RORA: variants seen among roughly 807,000 people sequenced by gnomAD.
RORA encodes RAR related orphan receptor A, also known as nuclear receptor ROR-alpha.
RORA carries 7 observed loss-of-function variants against 69.5 expected under a neutral mutation model. The ratio of observed to expected loss-of-function variants is 0.10; its 90% confidence interval spans 0.06 to 0.19. RORA has a LOEUF of 0.19. Ranked by LOEUF, RORA falls within the 10% of genes least tolerant of loss-of-function variation. The pLI is 1.00. For synonymous variants in RORA, 261 were observed against 240.8 expected (o/e 1.08, Z -0.78); for missense variants, 457 against 663.0 (o/e 0.69, Z 3.41).
chr15:61,022,079 GAAAGGTGAAGGCTCT>G (rs1255595378), intron 1 of RORA, among the ~76,000 whole-genome samples: 1 of 152,214 alleles, frequency 6.6e-6, no homozygotes, highest in Non-Finnish European at 1.5e-5. Flanking sequence ...TAAAGAGTGG[GAAAGGTGAAGGCTCT>G]AAATCAGATT....
intron 1 of RORA, among the ~76,000 whole-genome samples, chr15:60,936,583 C>T (rs1892529072): frequency 6.7e-6 from 1 of 150,332 alleles, no homozygotes; most frequent in African/African-American, 2.4e-5. Flanking sequence ...AAACGGGGAT[C>T]ACAGTGCTCT....
At chr15:60,688,047 A>G (rs1288193461) in intron 1 of RORA, among the ~76,000 whole-genome samples, 1 of 152,250 alleles carries the variant, frequency 6.6e-6, no homozygotes, top group African/African-American at 2.4e-5. Context: ...AAGAGTTATC[A>G]TAATATTATT....
chr15:60,851,707 TG>T (rs1263729193), intron 1 of RORA, among the ~76,000 whole-genome samples: 1 of 139,724 alleles, frequency 7.2e-6, no homozygotes, highest in African/African-American at 2.7e-5. Flanking sequence ...CAATATTATA[TG>T]TGTGTGTGTG....
intron 1 of RORA, among the ~76,000 whole-genome samples, chr15:61,023,187 CAAAAAAAAAAAA>C (rs35185635): frequency 1.1e-4 from 8 of 75,690 alleles, no homozygotes; most frequent in East Asian, 3.5e-4. Flanking sequence ...GACTCTGCCT[CAAAAAAAAAAAA>C]AAAAAAAAAA....
chr15:60,614,920 G>C (rs1567125162), intron 2 of RORA: 1 of 1,613,876 alleles, frequency 6.2e-7, no homozygotes, highest in South Asian at 1.1e-5. Context: ...GAGCAGAAAA[G>C]AGAAGAACTC....
chr15:60,757,887 C>T (rs1000154898), intron 1 of RORA, among the ~76,000 whole-genome samples: 2 of 152,094 alleles, frequency 1.3e-5, no homozygotes, highest in African/African-American at 4.8e-5. Context: ...CCACCCGTCA[C>T]CCTCAGAATT....
At chr15:61,115,292 T>C (rs1421610200) in intron 1 of RORA, among the ~76,000 whole-genome samples, 1 of 149,184 alleles carries the variant, frequency 6.7e-6, no homozygotes, top group African/African-American at 2.5e-5. Flanking sequence ...AAAAAAAAAA[T>C]GTAAATAGGA....
At chr15:60,943,833 T>C (rs952726951) in intron 1 of RORA, among the ~76,000 whole-genome samples, 5 of 141,834 alleles carry the variant, frequency 3.5e-5, no homozygotes, top group African/African-American at 1.3e-4. Context: ...GGAGAATTGC[T>C]TGAACCTGGG....
intron 1 of RORA, among the ~76,000 whole-genome samples, chr15:61,048,051 G>A (rs910291879): frequency 2.0e-5 from 3 of 152,200 alleles, no homozygotes; most frequent in Admixed American, 2.0e-4. Context: ...ACACCTAAAA[G>A]AGGCTACCAG....
intron 1 of RORA, among the ~76,000 whole-genome samples, chr15:60,823,950 T>C (rs574944163): frequency 1.3e-5 from 2 of 152,280 alleles, no homozygotes; most frequent in East Asian, 3.9e-4. Flanking sequence ...GGAGAAATAA[T>C]AAAGTTTAAA....
intron 1 of RORA, among the ~76,000 whole-genome samples, chr15:61,066,392 C>T (rs931791065): frequency 5.6e-5 from 8 of 142,202 alleles, no homozygotes; most frequent in Non-Finnish European, 9.1e-5. Context: ...ACAACTTGCA[C>T]AATTGTGGGA....
chr15:60,901,576 C>T (rs993508161), intron 1 of RORA, among the ~76,000 whole-genome samples: 2 of 152,128 alleles, frequency 1.3e-5, no homozygotes, highest in Non-Finnish European at 2.9e-5. Flanking sequence ...AATAACTTAA[C>T]AAGTATTTAT....
intron 1 of RORA, among the ~76,000 whole-genome samples, chr15:61,095,217 A>G (rs2078771412): frequency 6.6e-6 from 1 of 152,160 alleles, no homozygotes; most frequent in African/African-American, 2.4e-5. Context: ...GATAAGCTAG[A>G]ATGCTCAGGT....
chr15:60,725,212 C>T (rs1056150584), intron 1 of RORA, among the ~76,000 whole-genome samples: 3 of 152,102 alleles, frequency 2.0e-5, no homozygotes, highest in Non-Finnish European at 4.4e-5. Context: ...TCTTTTCCCC[C>T]GATTCAGCTT....
At chr15:60,884,626 G>T (rs1235696345) in intron 1 of RORA, among the ~76,000 whole-genome samples, 1 of 152,128 alleles carries the variant, frequency 6.6e-6, no homozygotes, top group Non-Finnish European at 1.5e-5. Context: ...TGTATAACAG[G>T]GTGGGCCCCA....
At chr15:60,996,433 G>A (rs951509457) in intron 1 of RORA, among the ~76,000 whole-genome samples, 2 of 152,126 alleles carry the variant, frequency 1.3e-5, no homozygotes, top group African/African-American at 2.4e-5. Flanking sequence ...TCACTGAACT[G>A]AACACAAGAT....
At chr15:61,043,909 C>T (rs1230259658) in intron 1 of RORA, among the ~76,000 whole-genome samples, 1 of 152,130 alleles carries the variant, frequency 6.6e-6, no homozygotes, top group Non-Finnish European at 1.5e-5. Flanking sequence ...CAGTCTGAAA[C>T]TTCAAGAGAA....
chr15:60,992,559 G>T (rs1894414212), intron 1 of RORA, among the ~76,000 whole-genome samples: 1 of 152,178 alleles, frequency 6.6e-6, no homozygotes, highest in African/African-American at 2.4e-5. Flanking sequence ...TAGATGGCAA[G>T]CTACCGTGGG....
intron 1 of RORA, among the ~76,000 whole-genome samples, chr15:60,731,341 A>G (rs1218422154): frequency 1.3e-5 from 2 of 152,198 alleles, no homozygotes; most frequent in Non-Finnish European, 2.9e-5. Flanking sequence ...TGTGTTTGGG[A>G]TTAGCAACCA....
Sources: gnomAD v4.1 joint callset for allele counts (sites outside exome capture counted in the v4.1 genomes callset) on GRCh38, gnomAD v4.1.1 for gene constraint, MANE v1.5 for transcripts, NCBI Gene and HGNC (gene_info 2026-07-23, HGNC 2026-07-21) for gene names.